The following TPM3 variants were observed in gnomAD, a reference collection of about 807,000 sequenced individuals.
TPM3 encodes tropomyosin alpha-3 chain.
In TPM3, 16 loss-of-function variants were observed where a neutral mutation model predicts 43.1. That is an observed-to-expected ratio of 0.37 (90% CI 0.25 to 0.56). The LOEUF is 0.56. TPM3 is among the 20% of genes least tolerant of loss of function. The pLI is 0.77. For synonymous variants in TPM3, 101 were observed against 116.9 expected, an observed-to-expected ratio of 0.86 and a Z score of 0.88; for missense variants, 176 against 337.2, an observed-to-expected ratio of 0.52 and a Z score of 3.74.
rs761337760 is a variant in TPM3, at chr1:154,172,993, C to T, written c.496-15G>A. ...TTACGAGCCACCTACAGGAAAAGAT[C>T]CCAGTATAGCTTAGTGAAGCAAAGG... On this transcript the variant is annotated splice_polypyrimidine_tract_variant and intron_variant, in intron 4 of 9. Transcript: ENST00000651641. The T allele has an allele frequency of 1.2e-6, 2 of 1,614,160 alleles. No individual in the cohort carries two copies. Among genetic ancestry groups the T allele is most frequent in the African/African-American group, 1.3e-5 (1 of 75,038 alleles).
chr1:154,170,887 T>C (rs1286124764), intron 6 of TPM3, 176 bp from the exon 7 acceptor site: 13 of 621,648 alleles, frequency 2.1e-5, no homozygotes, highest in Non-Finnish European at 3.7e-5. Flanking sequence ...GAAATCTATG[T>C]CTTTAGAGCC....
In TPM3 at chr1:154,174,407, T is replaced by TATACACACAC. The variant is rs1261318136; in HGVS notation, c.378-1207_378-1206insGTGTGTGTAT. Among the ~76,000 whole-genome samples, 157 of 72,636 alleles carry TATACACACAC rather than the reference T, an allele frequency of 2.2e-3. 2 individuals are homozygous for TATACACACAC. Among genetic ancestry groups the TATACACACAC allele is most frequent in the East Asian group, 8.7e-3 (15 of 1,720 alleles). 47.7% of individuals were successfully genotyped at this position (72,636 alleles called of 152,430 possible). The stretch of plus-strand genomic sequence containing the variant: ...ATATATATATATATATATATATATA[T>TATACACACAC]ACACACAAAAATCCCATCCCAGCTT... On this transcript the variant is annotated intron_variant, in intron 3 of 9. Transcript: ENST00000651641.
intron 2 of TPM3, among the ~76,000 whole-genome samples, chr1:154,177,694 G>T (rs1662490671): frequency 6.6e-6 from 1 of 152,090 alleles, no homozygotes; most frequent in Admixed American, 6.5e-5. Flanking sequence ...TTTCTTCCTG[G>T]CAGGCAGGAG....
In TPM3 at chr1:154,169,125, C is replaced by T. The variant is rs527939453; in HGVS notation, c.854+180G>A. On this transcript the variant is annotated intron_variant, in intron 9 of 9. Transcript: ENST00000651641. ...TGCTGGGATTACAGGCGTGAGCCAC[C>T]GCGCCCGGCCATGCCTCCAAAGCTT... 1.2e-4 allele frequency among the ~76,000 whole-genome samples: 19 copies of T among 152,316 alleles called. 1 individual carries two copies. In the South Asian group the frequency reaches 2.1e-3, roughly 17 times the overall value.
At chr1:154,177,649 A>G (rs1662485643) in intron 2 of TPM3, among the ~76,000 whole-genome samples, 1 of 152,204 alleles carries the variant, frequency 6.6e-6, no homozygotes, top group African/African-American at 2.4e-5. Context: ...TCTCTCTTCT[A>G]TAGCCCAGAT....
chr1:154,183,302 G>C (rs1571443452), intron 2 of TPM3: 3 of 1,490,206 alleles, frequency 2.0e-6, no homozygotes, highest in Admixed American at 2.1e-5. Context: ...CAGTCCACTG[G>C]AGGGAGAGCC....
At chr1:154,159,727 T>G (rs1384411838), downstream of TPM3, among the ~76,000 whole-genome samples, 3 of 152,188 alleles carry the variant, frequency 2.0e-5, no homozygotes, top group Admixed American at 6.5e-5. Context: ...CAGCCTCCCT[T>G]GCAGCTAGGG....
At chr1:154,189,580 G>A (rs1476112346) in intron 2 of TPM3, among the ~76,000 whole-genome samples, 1 of 152,024 alleles carries the variant, frequency 6.6e-6, no homozygotes, top group African/African-American at 2.4e-5. Context: ...GATCACCTGA[G>A]GTCAGGAGTT....
Position 154,191,972 on chromosome 1 carries a change from T to G in TPM3, c.47A>C (p.Lys16Thr). 1 of 1,613,992 alleles carries G rather than the reference T, an allele frequency of 6.2e-7. No homozygotes were observed. Among genetic ancestry groups the G allele is most frequent in the South Asian group, 1.1e-5 (1 of 91,088 alleles). ...CTCTGCCCGATCCAGAGCATTCTCC[T>G]TGTCTAACTTCAGCATCTGCATCTT... ...KKKMQMLKLD[K>T]ENALDRAEQA... is the part of the protein sequence containing the mutation. The change falls in exon 1 of 10, where the codon AAG becomes ACG. Residue 16 changes from lysine (K) to threonine (T), a missense_variant. Around this residue, in one of 4 missense-constraint regions of TPM3, gnomAD observed 82 missense variants for 148.8 expected, o/e 0.55. Coordinates refer to ENST00000651641, the MANE Select transcript of TPM3 (RefSeq NM_152263.4).
intron 2 of TPM3, 27 bp from the exon 3 acceptor site, chr1:154,176,275 G>A (rs777510597): frequency 7.4e-6 from 12 of 1,613,980 alleles, no homozygotes; most frequent in South Asian, 2.2e-5. Flanking sequence ...GAATGGACAA[G>A]GGAAGCAGAG....
chr1:154,184,047 G>T (rs1233172164), intron 2 of TPM3, among the ~76,000 whole-genome samples: 1 of 151,342 alleles, frequency 6.6e-6, no homozygotes, highest in Non-Finnish European at 1.5e-5. Context: ...ATTTATTTTT[G>T]TTTTGTTTTT....
rs1481297818 is a variant in TPM3, at chr1:154,174,808, T to C, written c.377+1307A>G. 1.8e-4 allele frequency among the ~76,000 whole-genome samples: 27 copies of C among 151,058 alleles called. No individual in the cohort carries two copies. In the East Asian group the frequency reaches 5.4e-3, roughly 30 times the overall value. ...TGCGCCCGGCCCTCACTTTCTATAA[T>C]TTGCATGCTACTCTAATAGTATACA... On this transcript the variant is annotated intron_variant, in intron 3 of 9. Coordinates refer to ENST00000651641, the MANE Select transcript of TPM3 (RefSeq NM_152263.4).
rs951088778 is a variant in TPM3 at position 154,176,248 on chromosome 1, C to G, written c.244G>C (p.Ala82Pro). 6.2e-7 allele frequency: 1 copy of G among 1,614,010 alleles called. No homozygotes were observed. Among genetic ancestry groups the G allele is most frequent in the Non-Finnish European group, 8.5e-7 (1 of 1,180,014 alleles). The stretch of plus-strand genomic sequence containing the variant: ...TTCAAGGAGGCCACCTCAGCCTCAG[C>G]CTGCATTTGAAGGAAAGAATGGACA... ...LELAEKKAAD[A>P]EAEVASLNRR... The change falls in exon 3 of 10, where the codon GCT (alanine) becomes CCT (proline). Residue 82 changes from alanine to proline, a missense_variant and splice_region_variant. This residue lies in a region of TPM3 where 82 missense variants were observed against 148.8 expected (regional missense o/e 0.55). Transcript: ENST00000651641.
Position 154,191,958 on chromosome 1 carries a change from C to T in TPM3, c.61G>A (p.Asp21Asn). The T allele has an allele frequency of 6.2e-7, 1 of 1,613,988 alleles. No homozygotes were observed. ...TCAGCTTCAGCTTGCTCTGCCCGAT[C>T]CAGAGCATTCTCCTTGTCTAACTTC... ...MLKLDKENAL[D>N]RAEQAEAEQK... The change falls in exon 1 of 10, where the codon GAT (aspartate) becomes AAT (asparagine). Residue 21 changes from aspartate to asparagine, a missense_variant. Coordinates refer to ENST00000651641, the MANE Select transcript of TPM3 (RefSeq NM_152263.4).
chr1:154,186,573 A>T (rs1444342293), intron 2 of TPM3, among the ~76,000 whole-genome samples: 3 of 151,462 alleles, frequency 2.0e-5, no homozygotes, highest in East Asian at 1.9e-4. Context: ...TCCCTAAAAA[A>T]TGGTGTTATG....
At position 154,167,239 on chromosome 1, in the gene TPM3, C is replaced by T. The variant is rs546668401; in HGVS notation, c.*698G>A. The stretch of plus-strand genomic sequence containing the variant: ...GTTTAAAGAAGAAAAAGTAAAAAAA[C>T]CGTCCAGAATTCTATCCATTGTGTA... On this transcript the variant is annotated 3_prime_UTR_variant, in exon 10 of 10. Coordinates refer to ENST00000651641, the MANE Select transcript of TPM3 (RefSeq NM_152263.4). 71 of 940,144 alleles carry T rather than the reference C, an allele frequency of 7.6e-5. No individual in the cohort carries two copies. The African/African-American group carries it at 1.1e-3, about 15-fold the overall frequency. 58.2% of individuals were successfully genotyped at this position (940,144 alleles called of 1,614,324 possible).
intron 2 of TPM3, among the ~76,000 whole-genome samples, chr1:154,176,500 A>C (rs1662329346): frequency 6.6e-6 from 1 of 152,074 alleles, no homozygotes; most frequent in Non-Finnish European, 1.5e-5. Flanking sequence ...TGCCCAGCCC[A>C]GTGAGTTAGT....
In TPM3 at chr1:154,162,381, A is replaced by AG. The variant is rs1457444024; in HGVS notation, c.*5555_*5556insC. ...CTCCGTCTCAAAAAAAAAAAAAAAAAAAAACACAAACCAACCCCATGGAGT... is the reference window on the plus strand; with the variant it reads ...CTCCGTCTCAAAAAAAAAAAAAAAAAGAAAACACAAACCAACCCCATGGAGT... On this transcript the variant is annotated 3_prime_UTR_variant, in exon 10 of 10. Coordinates refer to ENST00000651641, the MANE Select transcript of TPM3 (RefSeq NM_152263.4). Among the ~76,000 whole-genome samples the AG allele has an allele frequency of 2.0e-5, 3 of 151,642 alleles. No homozygotes were observed. Among genetic ancestry groups the AG allele is most frequent in the Non-Finnish European group, 4.4e-5 (3 of 67,902 alleles).
rs1553251640 is a variant in TPM3 at position 154,191,954 on chromosome 1, C to T, written c.65G>A (p.Arg22Gln). ...LKLDKENALD[R>Q]AEQAEAEQKQ... ...CTGCTCAGCTTCAGCTTGCTCTGCC[C>T]GATCCAGAGCATTCTCCTTGTCTAA... Residue 22 changes from arginine to glutamine, a missense_variant, in exon 1 of 10, where the codon CGG becomes CAG. Physicochemically the swap from Arg to Gln is conservative, Grantham distance 43. Around this residue, in one of 4 missense-constraint regions of TPM3, gnomAD observed 82 missense variants for 148.8 expected, o/e 0.55. Transcript: ENST00000651641. 3.1e-6 allele frequency: 5 copies of T among 1,613,792 alleles called. No individual in the cohort carries two copies. Among genetic ancestry groups the T allele is most frequent in the African/African-American group, 1.3e-5 (1 of 74,928 alleles).
Sources: gnomAD v4.1 joint callset for allele counts (sites outside exome capture counted in the v4.1 genomes callset) on GRCh38, gnomAD v4.1.1 for gene constraint, gnomAD v4.1.1 regional missense constraint, MANE v1.5 for transcripts, NCBI Gene and HGNC (gene_info 2026-07-23, HGNC 2026-07-21) for gene names.